The following NEO1 variants were observed in gnomAD, a reference collection of about 807,000 sequenced individuals.
NEO1 encodes neogenin.
In NEO1, 63 loss-of-function variants were observed where a neutral mutation model predicts 159.7. The observed-to-expected ratio is 0.39, with a 90% confidence interval of 0.32 to 0.49. The LOEUF (loss-of-function observed/expected upper bound fraction) is 0.49. Ranked by LOEUF, NEO1 falls within the 20% of genes least tolerant of loss-of-function variation. The probability of loss-of-function intolerance (pLI) is 0.85; values close to 1 mark genes in which losing one functional copy is unlikely to be tolerated. For synonymous variants in NEO1, 633 were observed against 662.0 expected (o/e 0.96, Z 0.67); for missense variants, 1,615 against 1,831.0 (o/e 0.88, Z 2.15).
At chr15:73,125,744 A>C (rs542422833) in intron 3 of NEO1, among the ~76,000 whole-genome samples, 1 of 152,368 alleles carries the variant, frequency 6.6e-6, no homozygotes, top group Middle Eastern at 3.4e-3. Flanking sequence ...CTAATGTCTG[A>C]ATAAGAAATA....
chr15:73,062,159 C>T (rs939632846), intron 1 of NEO1, among the ~76,000 whole-genome samples: 2 of 152,162 alleles, frequency 1.3e-5, no homozygotes, highest in African/African-American at 2.4e-5. Context: ...TGTTTCCACA[C>T]TTCCTTGCCA....
chr15:73,193,884 G>A (rs1453953792), intron 7 of NEO1, among the ~76,000 whole-genome samples: 1 of 151,952 alleles, frequency 6.6e-6, no homozygotes, highest in African/African-American at 2.4e-5. Context: ...GAAGAACGTG[G>A]CATGTGAGCC....
At chr15:73,127,668 C>T (rs1476225996) in intron 4 of NEO1, among the ~76,000 whole-genome samples, 1 of 152,188 alleles carries the variant, frequency 6.6e-6, no homozygotes, top group Admixed American at 6.5e-5. Flanking sequence ...AAATGTCTTA[C>T]AGCCACGTTT....
chr15:73,274,622 C>T (rs2041320361), intron 20 of NEO1, 70 bp from the exon 21 acceptor site: 4 of 1,498,918 alleles, frequency 2.7e-6, no homozygotes, highest in Admixed American at 1.8e-5. Context: ...TTAAAAAGTT[C>T]TGCCTGTCCC....
intron 1 of NEO1, among the ~76,000 whole-genome samples, chr15:73,077,728 A>G (rs192301952): frequency 7.7e-4 from 117 of 152,352 alleles, no homozygotes; most frequent in Admixed American, 2.5e-3. Flanking sequence ...ATAAGTTACC[A>G]GTCTAACAAA....
At chr15:73,239,801 C>T (rs1483361004) in intron 8 of NEO1, among the ~76,000 whole-genome samples, 2 of 152,178 alleles carry the variant, frequency 1.3e-5, no homozygotes, top group Non-Finnish European at 2.9e-5. Context: ...TGTTGTTAAG[C>T]AGTGCATGAC....
chr15:73,085,944 G>A (rs2151415613), intron 1 of NEO1, among the ~76,000 whole-genome samples: 1 of 152,150 alleles, frequency 6.6e-6, no homozygotes, highest in African/African-American at 2.4e-5. Context: ...TTGAAATTTA[G>A]TGAGGTTCGA....
intron 1 of NEO1, among the ~76,000 whole-genome samples, chr15:73,069,679 T>C (rs1219603029): frequency 1.3e-5 from 2 of 151,992 alleles, no homozygotes; most frequent in African/African-American, 4.8e-5. Context: ...CATACGTATA[T>C]ATATACGCAC....
chr15:73,255,657 C>T (rs1328409632), intron 13 of NEO1: 2 of 152,228 alleles, frequency 1.3e-5, no homozygotes, highest in African/African-American at 2.4e-5. Context: ...GAGCAGACCC[C>T]ATCCTGCCGA....
intron 5 of NEO1, among the ~76,000 whole-genome samples, chr15:73,150,531 A>G (rs2033285681): frequency 1.3e-5 from 2 of 152,278 alleles, no homozygotes; most frequent in Middle Eastern, 6.8e-3. Flanking sequence ...TATATTAATC[A>G]ATCTAAATTT....
chr15:73,164,620 TA>T (rs2034443227), intron 5 of NEO1, among the ~76,000 whole-genome samples: 1 of 152,222 alleles, frequency 6.6e-6, no homozygotes, highest in African/African-American at 2.4e-5. Flanking sequence ...CAGCCTTTGG[TA>T]ATATTTACCA....
At chr15:73,255,023 C>T (rs993392614) in intron 13 of NEO1, among the ~76,000 whole-genome samples, 194 bp downstream of exon 13, 1 of 152,226 alleles carries the variant, frequency 6.6e-6, no homozygotes, top group South Asian at 2.1e-4. Context: ...TCTGCTATTT[C>T]TGAGTGGTGA....
At chr15:73,205,853 C>G (rs1401814497) in intron 7 of NEO1, among the ~76,000 whole-genome samples, 1 of 152,096 alleles carries the variant, frequency 6.6e-6, no homozygotes, top group African/African-American at 2.4e-5. Context: ...TACATGCCAC[C>G]ATTGAAACTG....
chr15:73,198,443 T>C (rs1229565115), intron 7 of NEO1, among the ~76,000 whole-genome samples: 1 of 152,188 alleles, frequency 6.6e-6, no homozygotes, highest in Non-Finnish European at 1.5e-5. Context: ...TACAGTTTCA[T>C]CATCTTTTAG....
At chr15:73,080,012 T>C (rs754934086) in intron 1 of NEO1, among the ~76,000 whole-genome samples, 6 of 152,186 alleles carry the variant, frequency 3.9e-5, no homozygotes, top group Non-Finnish European at 7.4e-5. Flanking sequence ...TTTTTGTTTG[T>C]CAGGGAAGAA....
intron 5 of NEO1, among the ~76,000 whole-genome samples, chr15:73,140,921 GT>G (rs1461065677): frequency 1.3e-5 from 2 of 152,106 alleles, no homozygotes; most frequent in East Asian, 3.8e-4. Flanking sequence ...CTAATCTATG[GT>G]TTTAGAAGTC....
intron 25 of NEO1, among the ~76,000 whole-genome samples, chr15:73,290,717 A>G (rs2042134516): frequency 6.6e-6 from 1 of 152,222 alleles, no homozygotes; most frequent in Non-Finnish European, 1.5e-5. Flanking sequence ...ACTGTTTTCA[A>G]GGAAGTGAAG....
chr15:73,097,776 C>CTTTTGTTTTTTTTTTTT (rs2070150052), intron 1 of NEO1, among the ~76,000 whole-genome samples: 1 of 75,554 alleles, frequency 1.3e-5, no homozygotes, highest in Non-Finnish European at 2.2e-5. Flanking sequence ...TGGAACTAGC[C>CTTTTGTTTTTTTTTTTT]TTTTTTTTTT....
At chr15:73,232,597 G>C (rs1315464982) in intron 7 of NEO1, among the ~76,000 whole-genome samples, 1 of 152,204 alleles carries the variant, frequency 6.6e-6, no homozygotes, top group East Asian at 1.9e-4. Context: ...GCCTGCTGCA[G>C]TCCCTAGGGT....
Sources: gnomAD v4.1 joint callset for allele counts (sites outside exome capture counted in the v4.1 genomes callset) on GRCh38, gnomAD v4.1.1 for gene constraint, MANE v1.5 for transcripts, NCBI Gene and HGNC (gene_info 2026-07-23, HGNC 2026-07-21) for gene names.